Variants in AIRIM observed in about 807,000 individuals in gnomAD.
AIRIM encodes the protein AFG2-interacting ribosome maturation factor.
chr1:37,689,688 C>T, the AIRIM span: 2 of 1,614,084 alleles, frequency 1.2e-6, no homozygotes, highest in African/African-American at 2.7e-5. Flanking sequence ...TCTGGGAAGG[C>T]CCGAAGCGCC....
chr1:37,685,590 G>T, the AIRIM span, among the ~76,000 whole-genome samples: 56 of 151,796 alleles, frequency 3.7e-4, no homozygotes, highest in Middle Eastern at 3.4e-3. Flanking sequence ...GTTTCACCAT[G>T]TTGCCCAGGC....
the AIRIM span, chr1:37,683,487 G>GAA: frequency 6.4e-7 from 1 of 1,563,424 alleles, no homozygotes; most frequent in Non-Finnish European, 8.7e-7. Flanking sequence ...ATGCTGAAGT[G>GAA]AAAAAAAACA....
the AIRIM span, chr1:37,682,311 A>G: frequency 6.6e-6 from 1 of 152,330 alleles, no homozygotes; most frequent in African/African-American, 2.4e-5. Flanking sequence ...TAACACGGCC[A>G]TTACATAGAT....
At chr1:37,689,248 C>T in the AIRIM span, among the ~76,000 whole-genome samples, 2 of 152,184 alleles carry the variant, frequency 1.3e-5, no homozygotes, top group Non-Finnish European at 2.9e-5. Flanking sequence ...GACTTTATAA[C>T]GTAATATACA....
At chr1:37,690,606 C>T in the AIRIM span, 5 of 547,266 alleles carry the variant, frequency 9.1e-6, 1 homozygote, top group South Asian at 1.1e-4. Flanking sequence ...ATCGTAGTGC[C>T]GCAATGACTT....
chr1:37,687,359 C>T, the AIRIM span, among the ~76,000 whole-genome samples: 1,007 of 151,602 alleles, frequency 6.6e-3, 7 homozygotes, highest in Non-Finnish European at 0.011. Flanking sequence ...CTCGAACTCC[C>T]GACCTCAGGT....
At chr1:37,690,603 T>C in the AIRIM span, 1 of 575,816 alleles carries the variant, frequency 1.7e-6, no homozygotes, top group Non-Finnish European at 2.5e-6. Context: ...TATATCGTAG[T>C]GCCGCAATGA....
At chr1:37,692,222 G>A in the AIRIM span, 1 of 188,694 alleles carries the variant, frequency 5.3e-6, no homozygotes, top group East Asian at 1.3e-4. Context: ...TCCAGAGCTT[G>A]GGGTATTGCA....
the AIRIM span, chr1:37,682,840 T>G: frequency 2.6e-6 from 1 of 388,180 alleles, no homozygotes; most frequent in Non-Finnish European, 4.7e-6. Flanking sequence ...CACTATGTTC[T>G]TCAGCACCGT....
At chr1:37,690,296 T>C in the AIRIM span, 1 of 1,291,628 alleles carries the variant, frequency 7.7e-7, no homozygotes, top group Non-Finnish European at 1.0e-6. Context: ...GCCTCAGCTT[T>C]CTGAAGGAGA....
the AIRIM span, among the ~76,000 whole-genome samples, chr1:37,688,656 A>G: frequency 6.6e-6 from 1 of 152,156 alleles, no homozygotes. Context: ...CATCTGTGAC[A>G]GTTTCCTATT....
At chr1:37,682,787 G>A in the AIRIM span, 7 of 217,020 alleles carry the variant, frequency 3.2e-5, no homozygotes, top group African/African-American at 1.4e-4. Context: ...TTTGCCTCTT[G>A]TCCTTGCTTC....
chr1:37,683,136 A>G, the AIRIM span: 1 of 1,613,056 alleles, frequency 6.2e-7, no homozygotes, highest in Non-Finnish European at 8.5e-7. Flanking sequence ...CTCTTCCAGG[A>G]AGAAGGAAAC....
At chr1:37,686,450 G>C in the AIRIM span, 22 of 1,612,112 alleles carry the variant, frequency 1.4e-5, no homozygotes, top group Non-Finnish European at 1.8e-5. Flanking sequence ...GAGGAGGATG[G>C]CTCTGCAAGA....
At chr1:37,689,268 T>C in the AIRIM span, among the ~76,000 whole-genome samples, 5 of 152,200 alleles carry the variant, frequency 3.3e-5, no homozygotes, top group African/African-American at 7.2e-5. Context: ...ATAAACCCCT[T>C]AGCTCTAGCA....
the AIRIM span, chr1:37,683,480 C>A: frequency 6.3e-7 from 1 of 1,583,406 alleles, no homozygotes; most frequent in Non-Finnish European, 8.6e-7. Context: ...ATGCAGTATG[C>A]TGAAGTGAAA....
At chr1:37,689,533 T>A in the AIRIM span, 4 of 1,475,738 alleles carry the variant, frequency 2.7e-6, no homozygotes, top group Non-Finnish European at 2.7e-6. Context: ...CCTTCTGGAC[T>A]GACACTAGCT....
At chr1:37,690,538 G>A in the AIRIM span, 4 of 1,147,506 alleles carry the variant, frequency 3.5e-6, no homozygotes, top group South Asian at 1.6e-5. Context: ...ATGCTCACAC[G>A]CGACCTCCCC....
chr1:37,687,051 G>A, the AIRIM span, among the ~76,000 whole-genome samples: 10 of 150,140 alleles, frequency 6.7e-5, no homozygotes, highest in Admixed American at 2.7e-4. Flanking sequence ...GCGAGACTCC[G>A]TCTCAAAAGT....
Sources: allele counts gnomAD v4.1 joint callset (sites outside exome capture counted in the v4.1 genomes callset), GRCh38; gene constraint gnomAD v4.1.1; transcripts MANE v1.5; gene names NCBI Gene and HGNC (gene_info 2026-07-23, HGNC 2026-07-21).